The following SYNDIG1 variants were observed in gnomAD, a reference collection of about 807,000 sequenced individuals.
SYNDIG1 encodes synapse differentiation inducing 1.
Under a neutral mutation model 19.4 loss-of-function variants are expected in SYNDIG1, and 9 were observed. The ratio of observed to expected loss-of-function variants is 0.46; its 90% CI spans 0.28 to 0.81. The LOEUF (loss-of-function observed/expected upper bound fraction) is 0.81. SYNDIG1 is among the 30% of genes least tolerant of loss of function. The probability of loss-of-function intolerance (pLI) is 0.12; values close to 1 mark genes in which losing one functional copy is unlikely to be tolerated. For synonymous variants in SYNDIG1, 141 were observed against 145.9 expected (o/e 0.97, Z 0.24); for missense variants, 311 against 343.3 (o/e 0.91, Z 0.74).
chr20:24,571,592 C>T (rs1028563825), intron 2 of SYNDIG1, among the ~76,000 whole-genome samples: 1 of 152,038 alleles, frequency 6.6e-6, no homozygotes. Flanking sequence ...AATATTCTTT[C>T]TGTAGTCTTC....
At chr20:24,532,286 C>A (rs530260260) in intron 1 of SYNDIG1, among the ~76,000 whole-genome samples, 2 of 152,142 alleles carry the variant, frequency 1.3e-5, no homozygotes, top group African/African-American at 4.8e-5. Flanking sequence ...GCAGTGCTTC[C>A]GTACCATGGA....
At chr20:24,526,704 C>T (rs192164420) in intron 1 of SYNDIG1, among the ~76,000 whole-genome samples, 158 of 152,154 alleles carry the variant, frequency 1.0e-3, no homozygotes, top group Non-Finnish European at 1.1e-3. Context: ...TTTTCTTCTT[C>T]CTAAAGTGCA....
intron 2 of SYNDIG1, among the ~76,000 whole-genome samples, chr20:24,543,855 A>G (rs1428371651): frequency 6.6e-6 from 1 of 152,188 alleles, no homozygotes; most frequent in Non-Finnish European, 1.5e-5. Flanking sequence ...TGGTGGGTTC[A>G]TCGGTTTTCC....
intron 2 of SYNDIG1, among the ~76,000 whole-genome samples, chr20:24,558,487 C>T (rs901968563): frequency 2.0e-5 from 3 of 152,116 alleles, no homozygotes; most frequent in African/African-American, 7.2e-5. Context: ...CTTACAATCT[C>T]TGTCTTTTGA....
chr20:24,489,688 G>A (rs564497941), intron 1 of SYNDIG1, among the ~76,000 whole-genome samples: 2 of 152,254 alleles, frequency 1.3e-5, no homozygotes, highest in South Asian at 4.1e-4. Flanking sequence ...TGCACACACA[G>A]GCACACTTAT....
chr20:24,616,060 G>A (rs1050973796), intron 3 of SYNDIG1, among the ~76,000 whole-genome samples: 1 of 152,172 alleles, frequency 6.6e-6, no homozygotes, highest in African/African-American at 2.4e-5. Flanking sequence ...AACAGCTGTT[G>A]ATGGTATTTT....
At chr20:24,649,327 T>C (rs184998511) in intron 3 of SYNDIG1, among the ~76,000 whole-genome samples, 83 of 152,342 alleles carry the variant, frequency 5.4e-4, no homozygotes, top group African/African-American at 1.9e-3. Flanking sequence ...CATTGAGATC[T>C]AAGATTTTCT....
chr20:24,585,428 G>T (rs192552837), intron 3 of SYNDIG1, among the ~76,000 whole-genome samples: 9 of 152,130 alleles, frequency 5.9e-5, no homozygotes, highest in African/African-American at 1.9e-4. Context: ...CTTGCTAAAG[G>T]CTCATTCCTG....
At chr20:24,599,441 T>A (rs1406322422) in intron 3 of SYNDIG1, among the ~76,000 whole-genome samples, 1 of 152,042 alleles carries the variant, frequency 6.6e-6, no homozygotes, top group Non-Finnish European at 1.5e-5. Context: ...TCTCAAAAAA[T>A]TAAAAATAGA....
At chr20:24,576,183 T>C (rs1017083443) in intron 2 of SYNDIG1, among the ~76,000 whole-genome samples, 12 of 152,222 alleles carry the variant, frequency 7.9e-5, no homozygotes, top group African/African-American at 2.9e-4. Context: ...CAAAGGTACA[T>C]ATATCCTTGT....
intron 2 of SYNDIG1, among the ~76,000 whole-genome samples, chr20:24,564,194 C>T (rs1176937399): frequency 6.6e-6 from 1 of 152,056 alleles, no homozygotes. Flanking sequence ...ACAGAAGAAA[C>T]ACATTATTTG....
chr20:24,534,394 G>A (rs909878737), intron 1 of SYNDIG1, among the ~76,000 whole-genome samples: 1 of 152,148 alleles, frequency 6.6e-6, no homozygotes, highest in Non-Finnish European at 1.5e-5. Flanking sequence ...CACAAGCTCC[G>A]GGGCTCCTGC....
chr20:24,595,599 G>A (rs1364881376), intron 3 of SYNDIG1, among the ~76,000 whole-genome samples: 4 of 152,160 alleles, frequency 2.6e-5, no homozygotes, highest in Non-Finnish European at 5.9e-5. Context: ...TGCATCTGGT[G>A]GAATTCGGCT....
intron 3 of SYNDIG1, among the ~76,000 whole-genome samples, chr20:24,663,119 G>A (rs35268179): frequency 0.2 from 31,045 of 152,176 alleles, 4,001 homozygotes; most frequent in East Asian, 0.57. Context: ...TGTAAATGAC[G>A]TCTCTGCCTT....
At chr20:24,645,708 G>A (rs923424140) in intron 3 of SYNDIG1, among the ~76,000 whole-genome samples, 15 of 152,228 alleles carry the variant, frequency 9.9e-5, no homozygotes, top group Admixed American at 2.6e-4. Flanking sequence ...TGAGAGAGGC[G>A]GAGGCTGGGC....
intron 1 of SYNDIG1, among the ~76,000 whole-genome samples, chr20:24,521,252 C>T (rs1001163168): frequency 6.6e-6 from 1 of 152,216 alleles, no homozygotes; most frequent in Non-Finnish European, 1.5e-5. Flanking sequence ...CTTCTGACTA[C>T]TTCTGCATCA....
intron 3 of SYNDIG1, among the ~76,000 whole-genome samples, chr20:24,633,451 A>G (rs1193182846): frequency 1.3e-5 from 2 of 152,110 alleles, no homozygotes; most frequent in African/African-American, 2.4e-5. Context: ...GGGGAGGCTC[A>G]GAAATAAACA....
chr20:24,608,601 A>T (rs926499984), intron 3 of SYNDIG1, among the ~76,000 whole-genome samples: 40 of 152,322 alleles, frequency 2.6e-4, no homozygotes, highest in African/African-American at 9.4e-4. Flanking sequence ...ACTTAACAAG[A>T]TGCTTGGGAG....
In SYNDIG1 at chr20:24,660,059, G is replaced by A. The variant is rs566334769; in HGVS notation, c.619-5287G>A. ...ATAATAGGATGCCGAGTCCGGCTTC[G>A]TTTGTTCATCACTGTGTCTCTGAAA... On this transcript the variant is annotated intron_variant, in intron 3 of 3. Coordinates refer to ENST00000376862, the MANE Select transcript of SYNDIG1 (RefSeq NM_024893.3). Among the ~76,000 whole-genome samples the A allele has an allele frequency of 1.4e-4, 21 of 152,244 alleles. No homozygotes were observed. In the East Asian group the frequency reaches 2.3e-3, roughly 17 times the overall value.
Sources: gnomAD v4.1 joint callset for allele counts (sites outside exome capture counted in the v4.1 genomes callset) on GRCh38, gnomAD v4.1.1 for gene constraint, MANE v1.5 for transcripts, NCBI Gene and HGNC (gene_info 2026-07-23, HGNC 2026-07-21) for gene names.